Variants in RABGAP1L observed in about 807,000 individuals in gnomAD.
The protein encoded by RABGAP1L is RAB GTPase activating protein 1 like, also known as rab GTPase-activating protein 1-like.
In RABGAP1L, 63 loss-of-function variants were observed where a neutral mutation model predicts 137.7. The observed-to-expected ratio is 0.46, with a 90% confidence interval of 0.37 to 0.56. The LOEUF (loss-of-function observed/expected upper bound fraction) is 0.56. Ranked by LOEUF, RABGAP1L falls within the 20% of genes least tolerant of loss-of-function variation. RABGAP1L has a pLI of 0.00. For synonymous variants in RABGAP1L, 431 were observed against 433.7 expected, an observed-to-expected ratio of 0.99 and a Z score of 0.08; for missense variants, 1,095 against 1,244.0, an observed-to-expected ratio of 0.88 and a Z score of 1.80.
chr1:174,240,027 T>C (rs1032164869), intron 4 of RABGAP1L, among the ~76,000 whole-genome samples: 1 of 152,238 alleles, frequency 6.6e-6, no homozygotes, highest in Non-Finnish European at 1.5e-5. Flanking sequence ...CAAAATGTCT[T>C]TTTAAAGAAA....
At chr1:174,609,061 T>G (rs1670992068) in intron 13 of RABGAP1L, among the ~76,000 whole-genome samples, 1 of 152,188 alleles carries the variant, frequency 6.6e-6, no homozygotes, top group Admixed American at 6.5e-5. Context: ...CACTTATGCC[T>G]AATTACCTTA....
At chr1:174,808,480 A>C (rs1689551733) in intron 18 of RABGAP1L, among the ~76,000 whole-genome samples, 1 of 152,068 alleles carries the variant, frequency 6.6e-6, no homozygotes, top group Non-Finnish European at 1.5e-5. Flanking sequence ...ATTCAGTGAG[A>C]GCAAGGTACT....
chr1:174,620,747 A>T (rs1672375807), intron 13 of RABGAP1L, among the ~76,000 whole-genome samples: 1 of 152,198 alleles, frequency 6.6e-6, no homozygotes, highest in Non-Finnish European at 1.5e-5. Context: ...GATGAAACAC[A>T]TTCAAAAGCT....
intron 13 of RABGAP1L, among the ~76,000 whole-genome samples, chr1:174,492,965 A>G (rs939190602): frequency 6.6e-6 from 1 of 151,480 alleles, no homozygotes; most frequent in African/African-American, 2.4e-5. Context: ...ATTATTGTCC[A>G]TTTAATTATC....
intron 10 of RABGAP1L, among the ~76,000 whole-genome samples, chr1:174,293,090 T>A (rs745494560): frequency 6.7e-6 from 1 of 148,858 alleles, no homozygotes; most frequent in Non-Finnish European, 1.5e-5. Context: ...AAAATTATGA[T>A]AATCTAACAC....
chr1:174,203,587 C>T (rs961703014), intron 1 of RABGAP1L, among the ~76,000 whole-genome samples: 1 of 152,158 alleles, frequency 6.6e-6, no homozygotes, highest in Non-Finnish European at 1.5e-5. Flanking sequence ...TCTGGCTGTT[C>T]AGGTTCTTTT....
intron 18 of RABGAP1L, among the ~76,000 whole-genome samples, chr1:174,764,109 A>T (rs751093042): frequency 6.6e-6 from 1 of 152,140 alleles, no homozygotes; most frequent in Non-Finnish European, 1.5e-5. Flanking sequence ...AATGTTTTCA[A>T]CGTTTATCCA....
At chr1:174,243,758 CAA>C (rs912219821) in intron 5 of RABGAP1L, among the ~76,000 whole-genome samples, 1 of 152,128 alleles carries the variant, frequency 6.6e-6, no homozygotes, top group Non-Finnish European at 1.5e-5. Flanking sequence ...TTTTTATTCT[CAA>C]AAGTGTTGTG....
chr1:174,219,363 T>A, intron 2 of RABGAP1L, 68 bp downstream of exon 2: 1 of 1,137,822 alleles, frequency 8.8e-7, no homozygotes, highest in Non-Finnish European at 1.2e-6. Context: ...AGGAGATGTG[T>A]AAAATGCAAA....
intron 14 of RABGAP1L, among the ~76,000 whole-genome samples, chr1:174,682,305 C>T (rs945466922): frequency 7.5e-5 from 11 of 146,924 alleles, no homozygotes; most frequent in African/African-American, 2.9e-4. Context: ...TCTATACATA[C>T]ATATATATAT....
rs552501521 is a variant in RABGAP1L, at chr1:174,772,809, G to C, written c.2211+20455G>C. Among the ~76,000 whole-genome samples the C allele has an allele frequency of 7.9e-5, 12 of 152,000 alleles. No homozygotes were observed. In the South Asian group the frequency reaches 2.5e-3, roughly 31 times the overall value. On this transcript the variant is annotated intron_variant, in intron 18 of 25. Coordinates refer to ENST00000681986, the MANE Select transcript of RABGAP1L (RefSeq NM_001366446.1). ...GTCTCTATGAATTTGGCTACTCTAG[G>C]TACCTCATGTAAGTGGAATTATATC... is the stretch of plus-strand genomic sequence containing the variant.
intron 19 of RABGAP1L, among the ~76,000 whole-genome samples, chr1:174,890,572 A>G (rs1311096728): frequency 6.6e-6 from 1 of 152,216 alleles, no homozygotes; most frequent in Non-Finnish European, 1.5e-5. Context: ...TGCACACAGT[A>G]TCAGAATTTC....
At chr1:174,668,102 C>T (rs1676919108) in intron 14 of RABGAP1L, among the ~76,000 whole-genome samples, 1 of 152,148 alleles carries the variant, frequency 6.6e-6, no homozygotes, top group Non-Finnish European at 1.5e-5. Context: ...ACAAGGTAAA[C>T]ATCCAAAAAC....
intron 1 of RABGAP1L, among the ~76,000 whole-genome samples, chr1:174,160,328 T>G (rs1664338554): frequency 6.6e-6 from 1 of 152,142 alleles, no homozygotes; most frequent in Admixed American, 6.5e-5. Flanking sequence ...AGTCAAAGTT[T>G]CTGAGACTGG....
At position 174,272,421 on chromosome 1, in the gene RABGAP1L, G is replaced by A; in HGVS notation, c.994G>A (p.Gly332Arg). 2 of 1,601,266 alleles carry A rather than the reference G, an allele frequency of 1.2e-6. No homozygotes were observed. Among genetic ancestry groups the A allele is most frequent in the Non-Finnish European group, 1.7e-6 (2 of 1,175,148 alleles). ...TTCCCCCAATATTTTCAGATGTTTT[G>A]GAATGTTATTAAGCCCAGGTCGAAA... ...NKELAIERCF[G>R]MLLSPGRNVK... The change falls in exon 8 of 26, where the codon GGA becomes AGA. Residue 332 changes from glycine (G) to arginine (R), a missense_variant. By Grantham distance (125) the Gly-to-Arg change is moderately radical. This residue lies in a region of RABGAP1L where 112 missense variants were observed against 157.3 expected (regional missense o/e 0.71). Transcript: ENST00000681986.
At chr1:174,339,732 G>A (rs375720096) in intron 11 of RABGAP1L, among the ~76,000 whole-genome samples, 16 of 151,586 alleles carry the variant, frequency 1.1e-4, no homozygotes, top group African/African-American at 3.6e-4. Context: ...TCAGCCTCCC[G>A]AGTAGTTGGG....
At chr1:174,883,230 C>A (rs1654537106) in intron 19 of RABGAP1L, among the ~76,000 whole-genome samples, 1 of 152,270 alleles carries the variant, frequency 6.6e-6, no homozygotes, top group Non-Finnish European at 1.5e-5. Flanking sequence ...CATCTGAAAA[C>A]TGAGAGACAT....
intron 13 of RABGAP1L, among the ~76,000 whole-genome samples, chr1:174,462,367 T>C (rs1277919182): frequency 6.6e-6 from 1 of 152,226 alleles, no homozygotes; most frequent in Non-Finnish European, 1.5e-5. Flanking sequence ...TTTATATTCC[T>C]TCTCCATATA....
chr1:174,891,933 G>C (rs1036483314), intron 19 of RABGAP1L, among the ~76,000 whole-genome samples: 1 of 151,552 alleles, frequency 6.6e-6, no homozygotes, highest in African/African-American at 2.4e-5. Context: ...TTACTCATAA[G>C]TTTACTACTC....
Sources: gnomAD v4.1 joint callset for allele counts (sites outside exome capture counted in the v4.1 genomes callset) on GRCh38, gnomAD v4.1.1 for gene constraint, gnomAD v4.1.1 regional missense constraint, MANE v1.5 for transcripts, NCBI Gene and HGNC (gene_info 2026-07-23, HGNC 2026-07-21) for gene names.